The following NKAIN2 variants were observed in gnomAD, a reference collection of about 807,000 sequenced individuals.
NKAIN2 encodes sodium/potassium transporting ATPase interacting 2.
A neutral mutation model predicts 32.6 loss-of-function variants in NKAIN2; 14 were observed. That is an observed-to-expected ratio of 0.43 (90% CI 0.28 to 0.67). The LOEUF is 0.67. Ranked by LOEUF, NKAIN2 falls within the 30% of genes least tolerant of loss-of-function variation. The pLI, the probability that NKAIN2 is intolerant of heterozygous loss-of-function variation, is 0.17. For missense variants in NKAIN2, 198 were observed against 258.3 expected (o/e 0.77, Z 1.60); for synonymous variants, 80 against 87.2 (o/e 0.92, Z 0.46).
intron 1 of NKAIN2, among the ~76,000 whole-genome samples, chr6:124,078,419 C>G (rs557660853): frequency 1.3e-5 from 2 of 151,982 alleles, no homozygotes; most frequent in East Asian, 3.9e-4. Flanking sequence ...AAATATTAAC[C>G]CATTGACTCT....
At chr6:124,593,935 T>A (rs920406967) in intron 3 of NKAIN2, among the ~76,000 whole-genome samples, 15 of 152,250 alleles carry the variant, frequency 9.9e-5, no homozygotes, top group Admixed American at 7.8e-4. Flanking sequence ...ATTCCTAATG[T>A]ATGAGGTTAT....
intron 1 of NKAIN2, among the ~76,000 whole-genome samples, chr6:124,182,903 A>G (rs1405450691): frequency 6.6e-6 from 1 of 152,134 alleles, no homozygotes; most frequent in Non-Finnish European, 1.5e-5. Context: ...TACTGTTTTC[A>G]AACTATAGTT....
chr6:124,349,092 A>T (rs891062429), intron 2 of NKAIN2, among the ~76,000 whole-genome samples: 1 of 152,120 alleles, frequency 6.6e-6, no homozygotes, highest in Non-Finnish European at 1.5e-5. Context: ...TGTTGTAGGA[A>T]AAAACCGGGT....
At chr6:123,960,263 T>G (rs1346517657) in intron 1 of NKAIN2, among the ~76,000 whole-genome samples, 1 of 152,210 alleles carries the variant, frequency 6.6e-6, no homozygotes, top group East Asian at 1.9e-4. Flanking sequence ...TTGCGGTCTC[T>G]GGTTAAATGC....
chr6:123,847,728 T>G (rs1480053537), intron 1 of NKAIN2, among the ~76,000 whole-genome samples: 1 of 152,174 alleles, frequency 6.6e-6, no homozygotes, highest in Non-Finnish European at 1.5e-5. Flanking sequence ...AAACTTTTCA[T>G]TTTAATTTTA....
At chr6:123,945,002 G>C (rs235672) in intron 1 of NKAIN2, among the ~76,000 whole-genome samples, 22,021 of 151,956 alleles carry the variant, frequency 0.14, 4,496 homozygotes, top group African/African-American at 0.46. Context: ...ATGGAAACTT[G>C]CAGATATAGG....
chr6:124,735,921 G>A (rs556261873), intron 4 of NKAIN2, among the ~76,000 whole-genome samples: 1 of 151,836 alleles, frequency 6.6e-6, no homozygotes, highest in Non-Finnish European at 1.5e-5. Flanking sequence ...ACCCTACAAT[G>A]GCTTCTAAGT....
chr6:124,300,672 G>T (rs888517431), intron 2 of NKAIN2, among the ~76,000 whole-genome samples: 2 of 152,184 alleles, frequency 1.3e-5, no homozygotes, highest in African/African-American at 2.4e-5. Flanking sequence ...GGACCATAAG[G>T]TCCAGGCCGA....
rs192217002 is a variant in NKAIN2, at chr6:124,663,156, G to T, written c.474+4770G>T. On this transcript the variant is annotated intron_variant, in intron 4 of 6. Coordinates refer to ENST00000368417, the MANE Select transcript of NKAIN2 (RefSeq NM_001040214.3). Reference sequence around the variant, plus strand: ...AAGTTATAGATTTTGGCCAGGTGTGGTGGCTCACGCCTGTAATCCCAGCAG... The same window carrying T: ...AAGTTATAGATTTTGGCCAGGTGTGTTGGCTCACGCCTGTAATCCCAGCAG... Among the ~76,000 whole-genome samples the T allele has an allele frequency of 6.6e-5, 10 of 152,284 alleles. No homozygotes were observed. The East Asian group carries it at 1.9e-3, about 29-fold the overall frequency.
chr6:124,779,695 A>G (rs1779170761), intron 4 of NKAIN2, among the ~76,000 whole-genome samples: 1 of 152,190 alleles, frequency 6.6e-6, no homozygotes, highest in African/African-American at 2.4e-5. Flanking sequence ...ATGAATGATT[A>G]GATATGTGAG....
At chr6:124,275,328 G>A (rs980593609) in intron 1 of NKAIN2, among the ~76,000 whole-genome samples, 8 of 151,926 alleles carry the variant, frequency 5.3e-5, no homozygotes, top group Admixed American at 3.3e-4. Context: ...GTGACTCTGT[G>A]TTTCAAAAAG....
rs564021184 is a variant in NKAIN2 at position 124,437,452 on chromosome 6, C to A, written c.273+82105C>A. ...TATGTTCTGTGATACTACATTATTT[C>A]ATTTTATTCTTTCTTTTGCTCTTTT... On this transcript the variant is annotated intron_variant, in intron 3 of 6. Coordinates refer to ENST00000368417, the MANE Select transcript of NKAIN2 (RefSeq NM_001040214.3). Among the ~76,000 whole-genome samples the A allele has an allele frequency of 3.9e-5, 6 of 152,280 alleles. No individual in the cohort carries two copies. In the East Asian group the frequency reaches 9.7e-4, roughly 24 times the overall value.
chr6:123,968,901 A>T (rs1045472663), intron 1 of NKAIN2, among the ~76,000 whole-genome samples: 1 of 152,116 alleles, frequency 6.6e-6, no homozygotes, highest in African/African-American at 2.4e-5. Context: ...CAAAGTGTGG[A>T]GCACCTTGCT....
chr6:124,814,790 G>A (rs1448619865), intron 5 of NKAIN2, among the ~76,000 whole-genome samples: 2 of 152,058 alleles, frequency 1.3e-5, no homozygotes, highest in African/African-American at 4.8e-5. Flanking sequence ...GATTCATCTT[G>A]TTTTCTTCAC....
At chr6:124,174,032 G>A (rs1163127014) in intron 1 of NKAIN2, among the ~76,000 whole-genome samples, 3 of 152,046 alleles carry the variant, frequency 2.0e-5, no homozygotes, top group African/African-American at 4.8e-5. Flanking sequence ...AGGCAAGAAG[G>A]GATATTATGT....
intron 1 of NKAIN2, among the ~76,000 whole-genome samples, chr6:123,894,268 G>A (rs1774166412): frequency 6.6e-6 from 1 of 152,158 alleles, no homozygotes; most frequent in South Asian, 2.1e-4. Flanking sequence ...TTCACTGTGG[G>A]TCAGCGAGTG....
At chr6:124,274,937 CACA>C (rs1582970042) in intron 1 of NKAIN2, among the ~76,000 whole-genome samples, 1 of 152,130 alleles carries the variant, frequency 6.6e-6, no homozygotes, top group East Asian at 1.9e-4. Context: ...TGTGGACACA[CACA>C]ACAAGGATCA....
intron 4 of NKAIN2, among the ~76,000 whole-genome samples, chr6:124,737,616 G>A (rs1777016347): frequency 6.6e-6 from 1 of 151,892 alleles, no homozygotes; most frequent in Non-Finnish European, 1.5e-5. Context: ...AAGAAGACAG[G>A]AAAATGTAAG....
chr6:124,010,321 A>G, intron 1 of NKAIN2, among the ~76,000 whole-genome samples: 1 of 152,064 alleles, frequency 6.6e-6, no homozygotes, highest in South Asian at 2.1e-4. Flanking sequence ...TGGTGGTCAA[A>G]GTTATAGAAA....
Sources: allele counts gnomAD v4.1 joint callset (sites outside exome capture counted in the v4.1 genomes callset), GRCh38; gene constraint gnomAD v4.1.1; transcripts MANE v1.5; gene names NCBI Gene and HGNC (gene_info 2026-07-23, HGNC 2026-07-21).